CFAP99: variants seen among roughly 807,000 people sequenced by gnomAD.
CFAP99 encodes the protein cilia- and flagella-associated protein 99.
CFAP99 carries 84 observed loss-of-function variants against 82.7 expected under a neutral mutation model. That is an observed-to-expected ratio of 1.02 (90% confidence interval 0.85 to 1.22). The LOEUF is 1.22. CFAP99 is among the 50% of genes most tolerant of loss of function. The probability of loss-of-function intolerance (pLI) is 0.00; values close to 1 mark genes in which losing one functional copy is unlikely to be tolerated. For missense variants in CFAP99, 1,059 were observed against 983.5 expected (o/e 1.08, Z -1.03); for synonymous variants, 456 against 429.5 (o/e 1.06, Z -0.76).
chr4:2,444,180 C>T (rs56906100), intron 5 of CFAP99, among the ~76,000 whole-genome samples: 1 of 152,254 alleles, frequency 6.6e-6, no homozygotes, highest in East Asian at 1.9e-4. Context: ...GTAGGAGTGG[C>T]CCTGCTGGTG....
intron 1 of CFAP99, 73 bp from the exon 2 acceptor site, chr4:2,426,386 C>A: frequency 5.4e-6 from 5 of 923,014 alleles, no homozygotes; most frequent in Non-Finnish European, 8.4e-6. Flanking sequence ...TGGCAGACTC[C>A]TGTCGCTGCT....
At position 2,462,928 on chromosome 4, in the gene CFAP99, C is replaced by T. The variant is rs1373960441; in HGVS notation, c.*2C>T. ...GCGCGCCGCCTGGAGGCCGCCTGAGCCGGGCCGAGCGCGCCCCACCCGCTT... is the reference window on the plus strand; with the variant it reads ...GCGCGCCGCCTGGAGGCCGCCTGAGTCGGGCCGAGCGCGCCCCACCCGCTT... On this transcript the variant is annotated 3_prime_UTR_variant, in exon 15 of 15. Transcript: ENST00000635017. This position sits in a 1 kb window ranked among gnomAD's most constrained non-coding sequence, Gnocchi z 4.1. 5.4e-6 allele frequency: 7 copies of T among 1,284,732 alleles called. No homozygotes were observed. The highest frequency in any genetic ancestry group is 4.3e-5 in the Admixed American group (1 of 23,424). The allele number at this position is 1,284,732 out of a possible 1,614,324, so 79.6% of individuals were successfully genotyped here. A position where few individuals can be genotyped will look rare whatever the true frequency, so the allele number is the denominator to read the frequency against.
At position 2,436,834 on chromosome 4, in the gene CFAP99, C is replaced by T. The variant is rs758187281; in HGVS notation, c.112-40C>T. On this transcript the variant is annotated intron_variant, in intron 2 of 14. Coordinates refer to ENST00000635017, the Ensembl canonical transcript of CFAP99. ...CACCCCCACCGCCGCCCTTTCCTCC[C>T]GGCCCAGCCAGGGCCCCCCACCGGC... is the stretch of plus-strand genomic sequence containing the variant. 68 of 1,530,468 alleles carry T rather than the reference C, an allele frequency of 4.4e-5. 1 individual carries two copies. The highest frequency in any genetic ancestry group is 3.2e-4 in the East Asian group (13 of 40,880). 94.8% of individuals were successfully genotyped at this position (1,530,468 alleles called of 1,614,324 possible).
intron 1 of CFAP99, among the ~76,000 whole-genome samples, chr4:2,422,021 G>A (rs1733595957): frequency 6.6e-6 from 1 of 152,184 alleles, no homozygotes; most frequent in Non-Finnish European, 1.5e-5. Context: ...CAGCCTGGGT[G>A]ACAGAGTGAG....
intron 11 of CFAP99, among the ~76,000 whole-genome samples, chr4:2,454,581 C>CTTTTTTTTTTTGTTTTTTTTTT (rs1734378524): frequency 1.3e-4 from 12 of 94,716 alleles, no homozygotes; most frequent in East Asian, 5.5e-4. Context: ...TGTTTTTTTT[C>CTTTTTTTTTTTGTTTTTTTTTT]TTTTTTTTTT....
chr4:2,438,344 A>G (rs111725234), intron 4 of CFAP99, among the ~76,000 whole-genome samples, 180 bp downstream of exon 4: 7,617 of 151,688 alleles, frequency 0.05, 619 homozygotes, highest in African/African-American at 0.17. Flanking sequence ...CTCACTGCAA[A>G]CTCTGCCTCC....
intron 10 of CFAP99, among the ~76,000 whole-genome samples, chr4:2,451,773 G>A (rs1459886408): frequency 2.0e-5 from 3 of 152,152 alleles, no homozygotes; most frequent in Non-Finnish European, 4.4e-5. Flanking sequence ...AGATGGTGGA[G>A]TGGACGCACA....
exon 11 of CFAP99, chr4:2,452,258 A>C: frequency 2.0e-6 from 3 of 1,535,998 alleles, no homozygotes; most frequent in Non-Finnish European, 2.6e-6. Context: ...CGGCGGTTGC[A>C]AGGGAAGCTT....
chr4:2,459,878 A>C (rs1194412955), intron 13 of CFAP99, among the ~76,000 whole-genome samples, 159 bp from the exon 14 acceptor site: 2 of 152,208 alleles, frequency 1.3e-5, no homozygotes, highest in Admixed American at 1.3e-4. Flanking sequence ...TGCAGAGCGG[A>C]GCCCAGGCTG....
At chr4:2,424,417 C>T (rs1446816583) in intron 1 of CFAP99, among the ~76,000 whole-genome samples, 5 of 152,096 alleles carry the variant, frequency 3.3e-5, no homozygotes, top group African/African-American at 1.2e-4. Context: ...CACGCCATTG[C>T]ACTCCAGCCT....
At chr4:2,461,154 G>A (rs1043224911) in intron 14 of CFAP99, among the ~76,000 whole-genome samples, 3 of 152,156 alleles carry the variant, frequency 2.0e-5, no homozygotes, top group African/African-American at 7.2e-5. Flanking sequence ...CTTGTTTGGG[G>A]GACAGTCTGG....
rs1376342240 is a variant in CFAP99, at chr4:2,446,965, CA to C, written c.642+1658del. 6.6e-6 allele frequency among the ~76,000 whole-genome samples: 1 copy of C among 150,926 alleles called. No homozygotes were observed. The highest frequency in any genetic ancestry group is 1.5e-5 in the Non-Finnish European group (1 of 67,780). On this transcript the variant is annotated intron_variant, in intron 6 of 14. Coordinates refer to ENST00000635017, the Ensembl canonical transcript of CFAP99. The surrounding 1 kb of genome is among the most constrained non-coding windows in gnomAD (Gnocchi z 5.0). ...GATGTCAAATGGATGAAGAGATGATCAGGTGGATGGATGAATGAGTAGATGG... is the reference window on the plus strand; with the variant it reads ...GATGTCAAATGGATGAAGAGATGATCGGTGGATGGATGAATGAGTAGATGG...
chr4:2,426,590 G>C lies in CFAP99; in HGVS notation c.111+4G>C. The C allele has an allele frequency of 6.6e-7, 1 of 1,526,276 alleles. No individual in the cohort carries two copies. The highest frequency in any genetic ancestry group is 8.8e-7 in the Non-Finnish European group (1 of 1,138,006). The allele number at this position is 1,526,276 out of a possible 1,614,324, so 94.5% of individuals were successfully genotyped here. On this transcript the variant is annotated splice_donor_region_variant and intron_variant, in intron 2 of 14. Coordinates refer to ENST00000635017, the Ensembl canonical transcript of CFAP99. ...GGCTGCGGCCACCTCCCTGCAGGTA[G>C]GATCTGCTGGGGGCTGCTGGGAGGC...
chr4:2,436,487 CT>C (rs1436757238), intron 2 of CFAP99, among the ~76,000 whole-genome samples: 5 of 152,194 alleles, frequency 3.3e-5, no homozygotes, highest in Non-Finnish European at 5.9e-5. Context: ...TCTGCAGAAG[CT>C]TTTCATCCGA....
chr4:2,459,155 A>G (rs1452883071), exon 13 of CFAP99: 1 of 1,535,224 alleles, frequency 6.5e-7, no homozygotes, highest in Non-Finnish European at 8.7e-7. Context: ...CGCAGGGCGC[A>G]GGCAGCCCAG....
chr4:2,443,104 C>A, intron 4 of CFAP99, 26 bp from the exon 5 acceptor site: 1 of 1,303,982 alleles, frequency 7.7e-7, no homozygotes, highest in Non-Finnish European at 1.1e-6. Flanking sequence ...GGGCTCCGGC[C>A]CCCTGACAGC....
At chr4:2,437,183 C>A (rs558896573) in intron 3 of CFAP99, among the ~76,000 whole-genome samples, 165 bp downstream of exon 3, 1 of 152,220 alleles carries the variant, frequency 6.6e-6, no homozygotes, top group Non-Finnish European at 1.5e-5. Flanking sequence ...CCTTACCAGG[C>A]GGACCAGGAC....
At chr4:2,426,775 GC>G (rs1560376683) in intron 2 of CFAP99, 189 bp downstream of exon 2, 2 of 579,308 alleles carry the variant, frequency 3.5e-6, no homozygotes, top group African/African-American at 1.9e-5. Flanking sequence ...TGTGTGTCAG[GC>G]CAGGCTCTGG....
At chr4:2,420,114 C>T (rs1733535435) in intron 1 of CFAP99, among the ~76,000 whole-genome samples, 1 of 151,860 alleles carries the variant, frequency 6.6e-6, no homozygotes, top group South Asian at 2.1e-4. Flanking sequence ...CACTTCTCCT[C>T]CTCGCTCCTG....
Sources: allele counts gnomAD v4.1 joint callset (sites outside exome capture counted in the v4.1 genomes callset), GRCh38; gene constraint gnomAD v4.1.1; non-coding constraint Gnocchi (gnomAD v3.1); transcripts MANE v1.5; gene names NCBI Gene and HGNC (gene_info 2026-07-23, HGNC 2026-07-21).